The following PDE2A variants were observed in gnomAD, a reference collection of about 807,000 sequenced individuals.
The protein encoded by PDE2A is cGMP-dependent 3',5'-cyclic phosphodiesterase.
In PDE2A, 53 loss-of-function variants were observed where a neutral mutation model predicts 133.6. The observed-to-expected ratio is 0.40, with a 90% confidence interval of 0.32 to 0.50. The LOEUF (loss-of-function observed/expected upper bound fraction) is 0.50. Among genes scored for constraint, PDE2A ranks in the 20% least tolerant of loss-of-function variants. The pLI, the probability that PDE2A is intolerant of heterozygous loss-of-function variation, is 0.73. For synonymous variants in PDE2A, 491 were observed against 490.2 expected, an observed-to-expected ratio of 1.00 and a Z score of -0.02; for missense variants, 796 against 1,232.4, an observed-to-expected ratio of 0.65 and a Z score of 5.30.
Position 72,674,253 on chromosome 11 carries a change from G to T in PDE2A, c.-46C>A. The T allele has an allele frequency of 6.4e-7, 1 of 1,573,634 alleles. No individual in the cohort carries two copies. ...CCCAGCCAGACTAAGGTGGCACCTCGCCCTGTCCCCGCTGCCTGGAGTTCA... is the reference window on the plus strand; with the variant it reads ...CCCAGCCAGACTAAGGTGGCACCTCTCCCTGTCCCCGCTGCCTGGAGTTCA... On this transcript the variant is annotated 5_prime_UTR_variant, in exon 1 of 31. Coordinates refer to ENST00000334456, the MANE Select transcript of PDE2A (RefSeq NM_002599.5).
intron 2 of PDE2A, among the ~76,000 whole-genome samples, chr11:72,620,026 G>A (rs1185170106): frequency 6.6e-6 from 1 of 152,164 alleles, no homozygotes; most frequent in Non-Finnish European, 1.5e-5. Flanking sequence ...CGGGCCTGAG[G>A]GGAAAGGCTT....
chr11:72,580,247 C>G (rs571318761), intron 25 of PDE2A, among the ~76,000 whole-genome samples: 15 of 152,212 alleles, frequency 9.9e-5, no homozygotes, highest in African/African-American at 3.4e-4. Flanking sequence ...ACCTTGTGCA[C>G]GAGGAGGTAG....
chr11:72,606,468 C>T (rs117546753), intron 3 of PDE2A, among the ~76,000 whole-genome samples: 5,227 of 152,300 alleles, frequency 0.034, 127 homozygotes, highest in Non-Finnish European at 0.054. Flanking sequence ...GCCAGCCAGC[C>T]CCCACCACAG....
chr11:72,593,180 T>TACACAC (rs111253499), intron 6 of PDE2A, among the ~76,000 whole-genome samples: 80,189 of 149,070 alleles, frequency 0.54, 21,490 homozygotes, highest in East Asian at 0.71. Flanking sequence ...ATGGAGGTGG[T>TACACAC]ACACACACAC....
chr11:72,642,407 G>C (rs1448430463), intron 1 of PDE2A, 81 bp from the exon 2 acceptor site: 2 of 1,275,978 alleles, frequency 1.6e-6, no homozygotes, highest in East Asian at 6.4e-5. Context: ...CCGCCGGCCC[G>C]GCCGCTGCGC....
At chr11:72,669,057 G>T in intron 1 of PDE2A, 1 of 671,948 alleles carries the variant, frequency 1.5e-6, no homozygotes, top group Non-Finnish European at 1.8e-6. Context: ...TGCACTTCCA[G>T]ATTCTTCAGA....
rs1306826085 is a variant in PDE2A, at chr11:72,584,534, C to T, written c.1537+17G>A. ...CCGGCGCAGGCCCCGCCCCTCCGCC[C>T]GGGCCGCCACGCGCACCCTGGTTCT... On this transcript the variant is annotated intron_variant, in intron 18 of 30. Coordinates refer to ENST00000334456, the MANE Select transcript of PDE2A (RefSeq NM_002599.5). 6.3e-7 allele frequency: 1 copy of T among 1,582,312 alleles called. No homozygotes were observed. The highest frequency in any genetic ancestry group is 8.6e-7 in the Non-Finnish European group (1 of 1,164,910).
rs548388551 is a variant in PDE2A, at chr11:72,579,837, C to T, written c.2182-229G>A. 5.2e-5 allele frequency: 27 copies of T among 521,594 alleles called. No homozygotes were observed. The South Asian group carries it at 8.4e-4, about 16-fold the overall frequency. 32.3% of individuals were successfully genotyped at this position (521,594 alleles called of 1,614,324 possible). ...TGAGCCTCAGACTCCTCAGCTGTCA[C>T]ATGCAGGGACCCAACAAGGTAAGCT... is the stretch of plus-strand genomic sequence containing the variant. On this transcript the variant is annotated intron_variant, in intron 25 of 30. Transcript: ENST00000334456.
intron 1 of PDE2A, among the ~76,000 whole-genome samples, chr11:72,659,975 G>C (rs1477095306): frequency 1.3e-5 from 2 of 152,136 alleles, no homozygotes; most frequent in Non-Finnish European, 2.9e-5. Context: ...GCAGTTCCCT[G>C]GCAACTTCCA....
intron 2 of PDE2A, chr11:72,635,956 C>G: frequency 1.7e-6 from 2 of 1,198,056 alleles, no homozygotes; most frequent in Non-Finnish European, 2.2e-6. Flanking sequence ...CCCCTCCACA[C>G]CACGAGATCT....
At chr11:72,583,685 T>C (rs1042945805) in intron 19 of PDE2A, 170 bp from the exon 20 acceptor site, 86 of 466,192 alleles carry the variant, frequency 1.8e-4, no homozygotes, top group Non-Finnish European at 2.7e-4. Context: ...CCCACTTTCA[T>C]CCAGACCCCG....
intron 2 of PDE2A, among the ~76,000 whole-genome samples, chr11:72,625,233 C>T (rs1857999170): frequency 6.6e-6 from 1 of 152,232 alleles, no homozygotes; most frequent in African/African-American, 2.4e-5. Context: ...TCCATCCTCC[C>T]CTGGTCCACC....
chr11:72,667,860 T>A, intron 1 of PDE2A, among the ~76,000 whole-genome samples: 1 of 130,836 alleles, frequency 7.6e-6, no homozygotes, highest in Non-Finnish European at 1.7e-5. Context: ...AGCAAGACAC[T>A]GTCTCTATTA....
Position 72,590,006 on chromosome 11 carries a change from G to A in PDE2A, c.757-25C>T, listed in dbSNP as rs1473735677. 3 of 1,595,630 alleles carry A rather than the reference G, an allele frequency of 1.9e-6. No individual in the cohort carries two copies. The highest frequency in any genetic ancestry group is 3.4e-5 in the Admixed American group (2 of 58,408). ...GCTGAGAGAGGGACAGGCAGGGCGA[G>A]GGGGTGACCGCGGATCCGGGTCACC... On this transcript the variant is annotated intron_variant, in intron 9 of 30. Transcript: ENST00000334456. The surrounding 1 kb of genome is among the most constrained non-coding windows in gnomAD (Gnocchi z 4.8).
intron 2 of PDE2A, among the ~76,000 whole-genome samples, chr11:72,632,039 G>C (rs560573120): frequency 1.3e-5 from 2 of 152,242 alleles, no homozygotes; most frequent in Non-Finnish European, 2.9e-5. Flanking sequence ...GGACTGGGAG[G>C]GGGAGGGGGA....
intron 3 of PDE2A, among the ~76,000 whole-genome samples, chr11:72,607,668 C>G (rs188356750): frequency 7.0e-4 from 107 of 152,252 alleles, no homozygotes; most frequent in Non-Finnish European, 7.6e-4. Flanking sequence ...AGTGCCCTCT[C>G]TCTCTGGGCC....
intron 6 of PDE2A, among the ~76,000 whole-genome samples, chr11:72,592,976 C>T (rs1258215687): frequency 6.6e-6 from 1 of 152,032 alleles, no homozygotes; most frequent in Non-Finnish European, 1.5e-5. Flanking sequence ...TGGAGGAGGA[C>T]GTGGTTCTTG....
At chr11:72,604,958 A>G (rs1304278978) in intron 4 of PDE2A, among the ~76,000 whole-genome samples, 180 bp downstream of exon 4, 2 of 152,262 alleles carry the variant, frequency 1.3e-5, no homozygotes, top group Non-Finnish European at 2.9e-5. Flanking sequence ...AAGGAAGAGA[A>G]GACATTGCTT....
At chr11:72,634,182 G>A (rs948304923) in intron 2 of PDE2A, among the ~76,000 whole-genome samples, 2 of 151,642 alleles carry the variant, frequency 1.3e-5, no homozygotes, top group African/African-American at 4.9e-5. Context: ...GGAGGAAGCG[G>A]GTGGCAGAGT....
Sources: gnomAD v4.1 joint callset for allele counts (sites outside exome capture counted in the v4.1 genomes callset) on GRCh38, gnomAD v4.1.1 for gene constraint, Gnocchi (gnomAD v3.1) non-coding constraint, MANE v1.5 for transcripts, NCBI Gene and HGNC (gene_info 2026-07-23, HGNC 2026-07-21) for gene names.